Variants in NDUFV2 observed in about 807,000 individuals in gnomAD.
NDUFV2 encodes NADH:ubiquinone oxidoreductase core subunit V2.
A neutral mutation model predicts 31.6 loss-of-function variants in NDUFV2; 18 were observed. That is an observed-to-expected ratio of 0.57 (90% CI 0.39 to 0.84). NDUFV2 has a LOEUF of 0.84. NDUFV2 is among the 40% of genes least tolerant of loss of function. The probability of loss-of-function intolerance (pLI) is 0.00; values close to 1 mark genes in which losing one functional copy is unlikely to be tolerated. For synonymous variants in NDUFV2, 83 were observed against 99.8 expected, an observed-to-expected ratio of 0.83 and a Z score of 1.01; for missense variants, 314 against 303.6, an observed-to-expected ratio of 1.03 and a Z score of -0.26.
At chr18:9,133,513 G>C (rs185067361) in intron 7 of NDUFV2, 1 of 152,306 alleles carries the variant, frequency 6.6e-6, no homozygotes, top group Non-Finnish European at 1.5e-5. Flanking sequence ...TGGCCATCCT[G>C]GTTTGGAAAC....
chr18:9,103,045 G>T, intron 1 of NDUFV2: 1 of 491,242 alleles, frequency 2.0e-6, no homozygotes, highest in South Asian at 3.3e-5. Flanking sequence ...GGGGCTGCTT[G>T]GTGATATATA....
chr18:9,119,444 G>T, intron 3 of NDUFV2, 30 bp from the exon 4 acceptor site: 1 of 1,604,174 alleles, frequency 6.2e-7, no homozygotes. Context: ...TTTTCTAGAT[G>T]TATAAAATGA....
chr18:9,129,362 C>T (rs1191404124), intron 7 of NDUFV2, among the ~76,000 whole-genome samples: 1 of 152,168 alleles, frequency 6.6e-6, no homozygotes, highest in Non-Finnish European at 1.5e-5. Context: ...TTTGTTATGT[C>T]ACATTACATT....
At chr18:9,113,775 C>T (rs1055382150) in intron 1 of NDUFV2, among the ~76,000 whole-genome samples, 4 of 152,180 alleles carry the variant, frequency 2.6e-5, no homozygotes, top group East Asian at 1.9e-4. Flanking sequence ...CTTGCTCAAT[C>T]GATCACGACC....
At chr18:9,125,819 C>T (rs1465394013) in intron 6 of NDUFV2, among the ~76,000 whole-genome samples, 1 of 152,118 alleles carries the variant, frequency 6.6e-6, no homozygotes, top group African/African-American at 2.4e-5. Context: ...CCCAGAAAAG[C>T]CCCTCTCCTT....
intron 1 of NDUFV2, among the ~76,000 whole-genome samples, chr18:9,111,049 C>T (rs960687338): frequency 5.3e-5 from 8 of 152,056 alleles, no homozygotes; most frequent in African/African-American, 1.7e-4. Context: ...TATCTGCCTG[C>T]CTGTATATAT....
chr18:9,118,178 T>C (rs1598345402), intron 2 of NDUFV2, among the ~76,000 whole-genome samples: 1 of 152,206 alleles, frequency 6.6e-6, no homozygotes, highest in Non-Finnish European at 1.5e-5. Context: ...CATCACACTT[T>C]GGGTTCTCAG....
At chr18:9,104,275 G>T in intron 1 of NDUFV2, 1 of 1,612,468 alleles carries the variant, frequency 6.2e-7, no homozygotes, top group Non-Finnish European at 8.5e-7. Context: ...GCCAGATATT[G>T]GAGCTCCTGG....
rs2077840701 is a variant in NDUFV2, at chr18:9,106,135, CA to C, written c.54+3339del. On this transcript the variant is annotated intron_variant, in intron 1 of 7. Transcript: ENST00000318388. ...GTCTGCAGCATGTACATGCATGGTT[CA>C]GGGTTCAGCCAGAGATTTCCGTAGA... Among the ~76,000 whole-genome samples, 7 of 152,288 alleles carry C rather than the reference CA, an allele frequency of 4.6e-5. No individual in the cohort carries two copies. In the South Asian group the frequency reaches 1.4e-3, roughly 32 times the overall value.
At chr18:9,127,798 T>G (rs35849084) in intron 7 of NDUFV2, among the ~76,000 whole-genome samples, 1 of 152,118 alleles carries the variant, frequency 6.6e-6, no homozygotes, top group Non-Finnish European at 1.5e-5. Context: ...AGATACATAC[T>G]GAGCAGCACA....
intron 1 of NDUFV2, among the ~76,000 whole-genome samples, chr18:9,104,426 A>G (rs1051196210): frequency 6.6e-6 from 1 of 152,208 alleles, no homozygotes; most frequent in East Asian, 1.9e-4. Context: ...TTGGACCCAG[A>G]AACAGGGAGA....
chr18:9,125,478 C>CT (rs1284181917), intron 6 of NDUFV2, among the ~76,000 whole-genome samples: 3 of 151,414 alleles, frequency 2.0e-5, no homozygotes, highest in Non-Finnish European at 4.4e-5. Context: ...TATCATACCT[C>CT]TAAGTACTGC....
intron 2 of NDUFV2, among the ~76,000 whole-genome samples, chr18:9,118,830 T>TG (rs1488936873): frequency 6.7e-6 from 1 of 149,222 alleles, no homozygotes; most frequent in Non-Finnish European, 1.5e-5. Flanking sequence ...TTTTTTTTTT[T>TG]TTTTTTTTTT....
intron 1 of NDUFV2, among the ~76,000 whole-genome samples, chr18:9,116,341 A>G (rs900072533): frequency 9.5e-6 from 1 of 105,602 alleles, no homozygotes; most frequent in African/African-American, 3.5e-5. Flanking sequence ...TACTTTCCCT[A>G]CTCTTAAAAT....
chr18:9,130,574 G>C (rs2078031566), intron 7 of NDUFV2, among the ~76,000 whole-genome samples: 1 of 152,152 alleles, frequency 6.6e-6, no homozygotes, highest in Non-Finnish European at 1.5e-5. Context: ...ATGAAAACAA[G>C]AACTTTTCAC....
intron 2 of NDUFV2, 24 bp downstream of exon 2, chr18:9,117,927 T>C (rs1249616734): frequency 3.9e-6 from 6 of 1,524,096 alleles, no homozygotes; most frequent in African/African-American, 1.4e-5. Flanking sequence ...TAGATTTCTT[T>C]GGAAAGAAAA....
At chr18:9,104,156 A>G (rs1436013706) in intron 1 of NDUFV2, 2 of 1,612,700 alleles carry the variant, frequency 1.2e-6, no homozygotes, top group Non-Finnish European at 1.7e-6. Flanking sequence ...CTAGGTGGAA[A>G]GGACAACTTA....
chr18:9,120,218 C>A (rs1430070251), intron 4 of NDUFV2, among the ~76,000 whole-genome samples: 5 of 152,110 alleles, frequency 3.3e-5, no homozygotes, highest in African/African-American at 1.2e-4. Flanking sequence ...TGATGTATTA[C>A]AGCATATCAT....
intron 1 of NDUFV2, among the ~76,000 whole-genome samples, chr18:9,116,435 G>A (rs769773682): frequency 2.0e-5 from 3 of 151,944 alleles, no homozygotes; most frequent in South Asian, 2.1e-4. Flanking sequence ...ATTGTTACTC[G>A]ATTAAAAAAA....
Sources: gnomAD v4.1 joint callset for allele counts (sites outside exome capture counted in the v4.1 genomes callset) on GRCh38, gnomAD v4.1.1 for gene constraint, MANE v1.5 for transcripts, NCBI Gene and HGNC (gene_info 2026-07-23, HGNC 2026-07-21) for gene names.